CYP2C8: variants seen among roughly 807,000 people sequenced by gnomAD.
CYP2C8 encodes cytochrome P450 family 2 subfamily C member 8, also known as cytochrome P450 2C8.
CYP2C8 carries 51 observed loss-of-function variants against 41.3 expected under a neutral mutation model. That is an observed-to-expected ratio of 1.24 (90% CI 0.99 to 1.56). The LOEUF (loss-of-function observed/expected upper bound fraction) is 1.56, where lower values mean the gene tolerates loss of function less well. Among genes scored for constraint, CYP2C8 ranks in the 40% most tolerant of loss-of-function variants. The pLI is 0.00. For missense variants in CYP2C8, 651 were observed against 579.9 expected (o/e 1.12, Z -1.26); for synonymous variants, 218 against 205.8 (o/e 1.06, Z -0.51).
Position 95,067,305 on chromosome 10 carries a change from G to A in CYP2C8, c.384C>T (p.Leu128=). 3.7e-6 allele frequency: 6 copies of A among 1,614,154 alleles called. No homozygotes were observed. Among genetic ancestry groups the A allele is most frequent in the Non-Finnish European group, 5.1e-6 (6 of 1,180,046 alleles). ...KRWKEIRRFS[L]TTLRNFGMGK... is the part of the protein sequence containing the mutation. ...CCATCCCAAAATTCCGCAAGGTTGT[G>A]AGGGAGAAACGCCGGATCTCCTTCC... The change falls in exon 3 of 9, where the codon CTC becomes CTT. Residue 128 remains leucine, a synonymous_variant. Transcript: ENST00000371270.
At chr10:95,059,374 T>C (rs1330225106) in intron 4 of CYP2C8, among the ~76,000 whole-genome samples, 2 of 152,154 alleles carry the variant, frequency 1.3e-5, no homozygotes, top group Non-Finnish European at 2.9e-5. Context: ...TGGTTTTGAT[T>C]TGCATTTCTC....
intron 5 of CYP2C8, among the ~76,000 whole-genome samples, chr10:95,047,843 T>G (rs909629783): frequency 6.6e-6 from 1 of 152,158 alleles, no homozygotes; most frequent in Non-Finnish European, 1.5e-5. Context: ...ACTTCACTAG[T>G]GAATTCTACC....
chr10:95,064,996 A>C, intron 3 of CYP2C8, 36 bp from the exon 4 acceptor site: 5 of 1,381,516 alleles, frequency 3.6e-6, no homozygotes, highest in Non-Finnish European at 4.7e-6. Context: ...AATTATTAAA[A>C]AATAAATATT....
chr10:95,048,341 C>T (rs1273686702), intron 5 of CYP2C8, among the ~76,000 whole-genome samples: 4 of 152,120 alleles, frequency 2.6e-5, no homozygotes, highest in Non-Finnish European at 4.4e-5. Flanking sequence ...GCTTGGGTTC[C>T]ACTCTTTGCT....
chr10:95,068,622 C>CA, intron 1 of CYP2C8: 1 of 1,288,894 alleles, frequency 7.8e-7, no homozygotes, highest in Non-Finnish European at 1.0e-6. Context: ...AAAATCATAG[C>CA]AAAACACTGT....
At chr10:95,059,609 T>C (rs1157942754) in intron 4 of CYP2C8, among the ~76,000 whole-genome samples, 2 of 152,230 alleles carry the variant, frequency 1.3e-5, no homozygotes, top group African/African-American at 4.8e-5. Context: ...TTCACTCTGA[T>C]GGTAGTTTCT....
At chr10:95,047,804 C>T (rs2033138617) in intron 5 of CYP2C8, among the ~76,000 whole-genome samples, 1 of 152,090 alleles carries the variant, frequency 6.6e-6, no homozygotes, top group Non-Finnish European at 1.5e-5. Context: ...GAACTCCACC[C>T]CCCTCAAAAA....
In CYP2C8 at chr10:95,064,955, G is replaced by GT; in HGVS notation, c.486dup (p.Pro163ThrfsTer3). 1 of 1,530,706 alleles carries GT rather than the reference G, an allele frequency of 6.5e-7. No homozygotes were observed. 94.8% of individuals were successfully genotyped at this position (1,530,706 alleles called of 1,614,324 possible). ...CCCAGGATGAAAGTGGGATCACAGGGTGAAGCTAAAGATTTAAAAATTTTT... is the reference window on the plus strand; with the variant it reads ...CCCAGGATGAAAGTGGGATCACAGGGTTGAAGCTAAAGATTTAAAAATTTTT... On this transcript the variant is annotated frameshift_variant, in exon 4 of 9. Transcript: ENST00000371270. LOFTEE classifies it high-confidence loss of function.
chr10:95,043,864 GCA>G lies in CYP2C8; in HGVS notation c.962-789_962-788del, dbSNP rs58419621. The stretch of plus-strand genomic sequence containing the variant: ...CATCATTCTAAATATACTCACAGAA[GCA>G]CACACACACACACACACACACATAT... On this transcript the variant is annotated intron_variant, in intron 6 of 8. Coordinates refer to ENST00000371270, the MANE Select transcript of CYP2C8 (RefSeq NM_000770.3). Among the ~76,000 whole-genome samples the G allele has an allele frequency of 2.3e-3, 327 of 139,170 alleles. 3 individuals carry two copies. The highest frequency in any genetic ancestry group is 0.017 in the East Asian group (88 of 5,060). The allele number at this position is 139,170 out of a possible 152,430, so 91.3% of individuals were successfully genotyped here.
intron 7 of CYP2C8, chr10:95,040,773 C>T (rs979005337): frequency 5.4e-6 from 2 of 367,586 alleles, no homozygotes; most frequent in East Asian, 1.5e-4. Flanking sequence ...TAAATGTTCT[C>T]TGAAATTCTG....
In CYP2C8 at chr10:95,069,357, G is replaced by C. The variant is rs1188823438; in HGVS notation, c.46C>G (p.Leu16Val). ...CAGCTCTGTCTCCAGAGTGAAAAGA[G>C]AAGCATAAAAGAGAGACACAGCACC... ...VLVLCLSFML[L>V]FSLWRQSCRR... The change falls in exon 1 of 9, where the codon CTC (leucine) becomes GTC (valine). Residue 16 changes from leucine to valine, a missense_variant. Leu to Val is a conservative substitution (Grantham distance 32, BLOSUM62 1). Coordinates refer to ENST00000371270, the MANE Select transcript of CYP2C8 (RefSeq NM_000770.3). 1.2e-6 allele frequency: 2 copies of C among 1,614,116 alleles called. No homozygotes were observed. Among genetic ancestry groups the C allele is most frequent in the Admixed American group, 3.3e-5 (2 of 59,984 alleles).
chr10:95,052,604 A>G (rs2033233537), intron 5 of CYP2C8, among the ~76,000 whole-genome samples: 1 of 152,174 alleles, frequency 6.6e-6, no homozygotes, highest in South Asian at 2.1e-4. Flanking sequence ...ATCACAACCA[A>G]GTGGGATTTA....
intron 7 of CYP2C8, among the ~76,000 whole-genome samples, chr10:95,040,597 T>C (rs7898759): frequency 0.69 from 104,407 of 152,020 alleles, 36,585 homozygotes; most frequent in Middle Eastern, 0.84. Context: ...CTCCAGATTA[T>C]AAAGACAATA....
chr10:95,066,752 C>G (rs34928815), intron 3 of CYP2C8, among the ~76,000 whole-genome samples: 1 of 152,072 alleles, frequency 6.6e-6, no homozygotes, highest in African/African-American at 2.4e-5. Context: ...TGAAAAAACT[C>G]GAATTAAATG....
chr10:95,067,374 C>A lies in CYP2C8; in HGVS notation c.332-17G>T, dbSNP rs772061547. On this transcript the variant is annotated splice_polypyrimidine_tract_variant and intron_variant, in intron 2 of 8. Transcript: ENST00000371270. ...AAATGATTCCTAATAAAAAAAGGGG[C>A]AGAAACTGGGAGAATTCACAGCCAA... 5 of 1,613,922 alleles carry A rather than the reference C, an allele frequency of 3.1e-6. No individual in the cohort carries two copies. In the African/African-American group the frequency reaches 6.7e-5, roughly 22 times the overall value.
intron 5 of CYP2C8, among the ~76,000 whole-genome samples, chr10:95,055,173 G>A (rs1376244096): frequency 6.6e-6 from 1 of 151,998 alleles, no homozygotes; most frequent in African/African-American, 2.4e-5. Context: ...ACAGGGAGAG[G>A]ACTCAATTTC....
intron 5 of CYP2C8, 110 bp downstream of exon 5, chr10:95,058,225 C>G: frequency 4.7e-6 from 7 of 1,489,204 alleles, no homozygotes; most frequent in Non-Finnish European, 6.5e-6. Flanking sequence ...AGATGCTTGT[C>G]AAGCATTACT....
At chr10:95,044,279 A>G (rs2033065718) in intron 6 of CYP2C8, among the ~76,000 whole-genome samples, 3 of 152,204 alleles carry the variant, frequency 2.0e-5, no homozygotes. Context: ...CTTTTTTTCT[A>G]TGAATACACA....
At chr10:95,066,779 G>T (rs930941667) in intron 3 of CYP2C8, among the ~76,000 whole-genome samples, 3 of 152,070 alleles carry the variant, frequency 2.0e-5, no homozygotes, top group Non-Finnish European at 4.4e-5. Flanking sequence ...CATATAACTT[G>T]GTTCATATTT....
Sources: gnomAD v4.1 joint callset for allele counts (sites outside exome capture counted in the v4.1 genomes callset) on GRCh38, gnomAD v4.1.1 for gene constraint, MANE v1.5 for transcripts, NCBI Gene and HGNC (gene_info 2026-07-23, HGNC 2026-07-21) for gene names.